Variants in CEP350 observed in about 807,000 individuals in gnomAD.
CEP350 encodes the protein centrosome-associated protein 350.
In CEP350, 126 loss-of-function variants were observed where a neutral mutation model predicts 331.8. The ratio of observed to expected loss-of-function variants is 0.38; its 90% CI spans 0.33 to 0.44. The LOEUF is 0.44. Among genes scored for constraint, CEP350 ranks in the 20% least tolerant of loss-of-function variants. The pLI is 1.00. For synonymous variants in CEP350, 1,200 were observed against 1,259.5 expected, an observed-to-expected ratio of 0.95 and a Z score of 1.00; for missense variants, 3,406 against 3,634.6, an observed-to-expected ratio of 0.94 and a Z score of 1.62.
chr1:180,090,630 A>G (rs1182536143), intron 32 of CEP350, 84 bp from the exon 33 acceptor site: 2 of 1,161,800 alleles, frequency 1.7e-6, no homozygotes, highest in African/African-American at 3.1e-5. Context: ...AGAGGAAAGA[A>G]GCAGTTGTCT....
intron 7 of CEP350, among the ~76,000 whole-genome samples, chr1:180,004,980 CT>C (rs199987478): frequency 0.13 from 16,826 of 132,534 alleles, 1,190 homozygotes; most frequent in South Asian, 0.17. Flanking sequence ...TTTTAAATTT[CT>C]TTTTTTTTTC....
At chr1:180,097,053 A>G (rs1660521577) in intron 36 of CEP350, among the ~76,000 whole-genome samples, 1 of 152,222 alleles carries the variant, frequency 6.6e-6, no homozygotes, top group South Asian at 2.1e-4. Flanking sequence ...TCCCAAACTT[A>G]TTTGATCACA....
At chr1:180,049,543 CTTTTT>C (rs34061683) in intron 22 of CEP350, among the ~76,000 whole-genome samples, 1 of 130,182 alleles carries the variant, frequency 7.7e-6, no homozygotes, top group Admixed American at 7.6e-5. Context: ...TTACTTACAC[CTTTTT>C]TTTTTTTTTT....
intron 27 of CEP350, among the ~76,000 whole-genome samples, chr1:180,067,178 CAT>C (rs1254485212): frequency 6.6e-6 from 1 of 152,110 alleles, no homozygotes; most frequent in Middle Eastern, 3.2e-3. Flanking sequence ...TAATTATTTT[CAT>C]AGACTCCAAA....
At chr1:179,988,357 G>A (rs977571259) in intron 3 of CEP350, among the ~76,000 whole-genome samples, 4 of 151,778 alleles carry the variant, frequency 2.6e-5, no homozygotes, top group African/African-American at 7.2e-5. Flanking sequence ...TATGTAGAAA[G>A]CTCATTGTTA....
intron 2 of CEP350, 66 bp from the exon 3 acceptor site, chr1:179,987,174 C>A: frequency 3.5e-6 from 3 of 849,620 alleles, no homozygotes; most frequent in Non-Finnish European, 1.9e-6. Flanking sequence ...TATTAAAATT[C>A]AGATTCTGAG....
At chr1:180,110,319 G>A (rs1199796659) in intron 37 of CEP350, among the ~76,000 whole-genome samples, 1 of 152,174 alleles carries the variant, frequency 6.6e-6, no homozygotes, top group Non-Finnish European at 1.5e-5. Context: ...ACATTCAGTA[G>A]AAACAGTACT....
chr1:179,961,811 C>T (rs1454824390), intron 1 of CEP350, among the ~76,000 whole-genome samples: 1 of 152,056 alleles, frequency 6.6e-6, no homozygotes, highest in African/African-American at 2.4e-5. Flanking sequence ...AACATAGTAC[C>T]CAGTAGGTTG....
At position 179,977,963 on chromosome 1, in the gene CEP350, T is replaced by G. The variant is rs192476774; in HGVS notation, c.-13-8206T>G. ...TATTTTTATCTATAAAAATATATTT[T>G]ATAAAATAAAATATGTATAAAATAT... On this transcript the variant is annotated intron_variant, in intron 1 of 37. Coordinates refer to ENST00000367607, the MANE Select transcript of CEP350 (RefSeq NM_014810.5). 3.1e-4 allele frequency among the ~76,000 whole-genome samples: 47 copies of G among 150,470 alleles called. 1 individual carries two copies. The highest frequency in any genetic ancestry group is 3.4e-3 in the Middle Eastern group (1 of 292).
intron 7 of CEP350, among the ~76,000 whole-genome samples, chr1:180,004,726 T>A (rs1440413916): frequency 1.3e-5 from 2 of 152,180 alleles, no homozygotes; most frequent in African/African-American, 4.8e-5. Context: ...ATTGATCACT[T>A]CTTCTTTGAA....
At chr1:180,100,423 G>A (rs924065066) in intron 37 of CEP350, among the ~76,000 whole-genome samples, 1 of 152,114 alleles carries the variant, frequency 6.6e-6, no homozygotes, top group Non-Finnish European at 1.5e-5. Context: ...TACTTCTTAG[G>A]AATTAAAGAA....
At chr1:179,974,926 G>A (rs1020564412) in intron 1 of CEP350, among the ~76,000 whole-genome samples, 1 of 152,080 alleles carries the variant, frequency 6.6e-6, no homozygotes, top group African/African-American at 2.4e-5. Context: ...ACGAGTTTCA[G>A]GCTACAGTGA....
chr1:180,046,130 C>T (rs1657101766), intron 21 of CEP350, among the ~76,000 whole-genome samples: 1 of 152,200 alleles, frequency 6.6e-6, no homozygotes, highest in East Asian at 1.9e-4. Flanking sequence ...CTTGACCACC[C>T]TATGTGTACA....
chr1:179,988,730 T>G (rs531579169), intron 3 of CEP350, among the ~76,000 whole-genome samples: 25 of 152,226 alleles, frequency 1.6e-4, no homozygotes, highest in African/African-American at 5.3e-4. Flanking sequence ...CCTTTTTTGT[T>G]TTCTATGCCA....
chr1:179,963,305 T>G (rs907390799), intron 1 of CEP350, among the ~76,000 whole-genome samples: 1 of 152,172 alleles, frequency 6.6e-6, no homozygotes, highest in Non-Finnish European at 1.5e-5. Flanking sequence ...TAGAAGCTTT[T>G]TAGTTTAATT....
At chr1:180,019,440 G>A (rs1428315395) in intron 11 of CEP350, among the ~76,000 whole-genome samples, 2 of 152,068 alleles carry the variant, frequency 1.3e-5, no homozygotes, top group Non-Finnish European at 2.9e-5. Flanking sequence ...TATTTAGCAT[G>A]TACATTGTTA....
rs771582851 is a variant in CEP350 at position 180,094,314 on chromosome 1, T to C, written c.8209T>C (p.Ser2737Pro). ...CCAACTGGAAGCCCAGCTGAAGTCA[T>C]CACTAAATGAGGAAAAAAAGTCAAA... ...KNQLEAQLKS[S>P]LNEEKKSKQQ... The change falls in exon 34 of 38, where the codon TCA (serine) becomes CCA (proline). Residue 2737 changes from serine to proline, a missense_variant. Physicochemically the swap from Ser to Pro is moderately conservative, Grantham distance 74 (BLOSUM62 -1). Transcript: ENST00000367607. 7.4e-6 allele frequency: 12 copies of C among 1,613,814 alleles called. No individual in the cohort carries two copies. Among genetic ancestry groups the C allele is most frequent in the Admixed American group, 3.3e-5 (2 of 59,994 alleles).
At chr1:180,097,547 C>A (rs1361577662) in intron 36 of CEP350, among the ~76,000 whole-genome samples, 1 of 152,100 alleles carries the variant, frequency 6.6e-6, no homozygotes, top group African/African-American at 2.4e-5. Context: ...CTGTTAAGAA[C>A]ATTGTTTTTT....
intron 17 of CEP350, among the ~76,000 whole-genome samples, chr1:180,038,398 T>C (rs1656516517): frequency 6.6e-6 from 1 of 152,216 alleles, no homozygotes; most frequent in Non-Finnish European, 1.5e-5. Context: ...TCATTTTTCT[T>C]GTATAAGTAC....
Sources: allele counts gnomAD v4.1 joint callset (sites outside exome capture counted in the v4.1 genomes callset), GRCh38; gene constraint gnomAD v4.1.1; transcripts MANE v1.5; gene names NCBI Gene and HGNC (gene_info 2026-07-23, HGNC 2026-07-21).